The following PMS2 variants were observed in gnomAD, a reference collection of about 807,000 sequenced individuals.
The protein encoded by PMS2 is PMS1 homolog 2, mismatch repair system component.
A neutral mutation model predicts 90.0 loss-of-function variants in PMS2; 69 were observed. The observed-to-expected ratio is 0.77, with a 90% CI of 0.63 to 0.94. The LOEUF (loss-of-function observed/expected upper bound fraction) is 0.94. Among genes scored for constraint, PMS2 ranks in the 40% least tolerant of loss-of-function variants. The pLI is 0.00. For missense variants in PMS2, 966 were observed against 1,040.2 expected (o/e 0.93, Z 0.98); for synonymous variants, 332 against 375.1 (o/e 0.89, Z 1.33).
intron 1 of PMS2, among the ~76,000 whole-genome samples, chr7:6,006,672 C>A (rs1452640114): frequency 2.0e-5 from 3 of 151,838 alleles, no homozygotes; most frequent in Non-Finnish European, 4.4e-5. Context: ...AATTTCCCAA[C>A]ATAATTAGAA....
chr7:5,999,635 T>G (rs183113848), intron 5 of PMS2, among the ~76,000 whole-genome samples: 4,401 of 147,128 alleles, frequency 0.03, 94 homozygotes, highest in Non-Finnish European at 0.047. Flanking sequence ...TACAAAAAAT[T>G]TAAAAAAAAA....
upstream of PMS2, chr7:6,009,057 T>C (rs772989438): frequency 1.9e-6 from 3 of 1,610,662 alleles, no homozygotes; most frequent in Non-Finnish European, 2.5e-6. Flanking sequence ...ACTGGGAAAG[T>C]TCCCTCCAGG....
At position 5,978,571 on chromosome 7, in the gene PMS2, G is replaced by A. The variant is rs184115126; in HGVS notation, c.2275+25C>T. The A allele has an allele frequency of 1.8e-3, 2,843 of 1,576,074 alleles. 60 individuals are homozygous for A. The African/African-American group carries it at 0.035, about 19-fold the overall frequency. ...CAGACGTGAGCCACCACACCCAGCC[G>A]CTATAGTTCTAATTAATAACTTACC... On this transcript the variant is annotated intron_variant, in intron 13 of 14. Coordinates refer to ENST00000265849, the MANE Select transcript of PMS2 (RefSeq NM_000535.7).
intron 11 of PMS2, 88 bp downstream of exon 11, chr7:5,986,671 A>G (rs2128719132): frequency 9.4e-7 from 1 of 1,069,442 alleles, no homozygotes; most frequent in Admixed American, 2.8e-5. Context: ...CAGCCTGCGC[A>G]ACAGAGCAAG....
intron 11 of PMS2, 84 bp downstream of exon 11, chr7:5,986,675 G>A (rs1020388428): frequency 6.2e-6 from 7 of 1,123,806 alleles, no homozygotes; most frequent in Non-Finnish European, 8.7e-6. Flanking sequence ...CTGCGCAACA[G>A]AGCAAGACTC....
chr7:5,990,194 G>A (rs960113783), intron 9 of PMS2, among the ~76,000 whole-genome samples: 3 of 152,172 alleles, frequency 2.0e-5, no homozygotes, highest in Admixed American at 6.5e-5. Context: ...TTTTAGTAGA[G>A]ATGGGGTTTC....
chr7:5,989,423 A>C (rs537314689), intron 10 of PMS2, among the ~76,000 whole-genome samples: 1 of 151,674 alleles, frequency 6.6e-6, no homozygotes, highest in South Asian at 2.1e-4. Flanking sequence ...ACAAGAGCGA[A>C]ACTCCATCTC....
rs556125456 is a variant in PMS2, at chr7:5,988,897, C to G, written c.1144+903G>C. Among the ~76,000 whole-genome samples, 5 of 152,070 alleles carry G rather than the reference C, an allele frequency of 3.3e-5. No individual in the cohort carries two copies. The South Asian group carries it at 1.0e-3, about 32-fold the overall frequency. On this transcript the variant is annotated intron_variant, in intron 10 of 14. Coordinates refer to ENST00000265849, the MANE Select transcript of PMS2 (RefSeq NM_000535.7). The stretch of plus-strand genomic sequence containing the variant: ...TTGAGACGGAGTCTCGCTTTGTCAC[C>G]CAGGCTGGAGTGCAGTGGCACAATC...
intron 8 of PMS2, among the ~76,000 whole-genome samples, chr7:5,993,419 C>T (rs1448730777): frequency 4.0e-3 from 52 of 13,140 alleles, no homozygotes; most frequent in African/African-American, 0.029. Context: ...CAAAATATTA[C>T]TGAGGTACAA....
chr7:6,009,049 T>C lies in PMS2; in HGVS notation c.-30A>G, dbSNP rs761498916. 6.2e-7 allele frequency: 1 copy of C among 1,612,032 alleles called. No individual in the cohort carries two copies. Among genetic ancestry groups the C allele is most frequent in the Non-Finnish European group, 8.5e-7 (1 of 1,179,542 alleles). ...GCAACACCCGATCCGCCTCGGGGAC[T>C]GGGAAAGTTCCCTCCAGGGCTCCCA... is the stretch of plus-strand genomic sequence containing the variant. On this transcript the variant is annotated 5_prime_UTR_variant, in exon 1 of 15. Transcript: ENST00000265849.
At chr7:5,993,242 G>A (rs1783960101) in intron 8 of PMS2, among the ~76,000 whole-genome samples, 1 of 151,936 alleles carries the variant, frequency 6.6e-6, no homozygotes, top group South Asian at 2.1e-4. Flanking sequence ...ATGGCAGCAT[G>A]TGCCTATAAT....
At chr7:5,979,211 A>AC (rs1452096877) in intron 12 of PMS2, among the ~76,000 whole-genome samples, 2 of 143,006 alleles carry the variant, frequency 1.4e-5, no homozygotes, top group Non-Finnish European at 1.5e-5. Flanking sequence ...CAAAAAAAAA[A>AC]AAAAAAAAAA....
Position 6,002,611 on chromosome 7 carries a change from C to A in PMS2, c.379G>T (p.Ala127Ser), listed in dbSNP as rs114090343. 6.2e-7 allele frequency: 1 copy of A among 1,611,764 alleles called. No homozygotes were observed. Among genetic ancestry groups the A allele is most frequent in the African/African-American group, 1.3e-5 (1 of 74,954 alleles). ...LSDVTISTCH[A>S]SAKVGTRLMF... ...AGTCGAGTTCCAACCTTCGCCGATGCGTGGCAGGTAGAAATGGTGACATCG... is the reference window on the plus strand; with the variant it reads ...AGTCGAGTTCCAACCTTCGCCGATGAGTGGCAGGTAGAAATGGTGACATCG... Residue 127 changes from alanine (A) to serine (S), a missense_variant, in exon 5 of 15, where the codon GCA (alanine) becomes TCA (serine). By Grantham distance (99) the Ala-to-Ser change is moderately conservative. This residue lies in a region of PMS2 where 871 missense variants were observed against 802.4 expected (regional missense o/e 1.09). Transcript: ENST00000265849.
chr7:5,982,652 A>AT, intron 12 of PMS2, among the ~76,000 whole-genome samples, 172 bp downstream of exon 12: 1 of 151,996 alleles, frequency 6.6e-6, no homozygotes, highest in South Asian at 2.1e-4. Flanking sequence ...GATATTTTTT[A>AT]TTTTTTACAC....
In PMS2 at chr7:5,987,099, C is replaced by T. The variant is rs786202656; in HGVS notation, c.1666G>A (p.Glu556Lys). ...FSDVDCHSNQ[E>K]DTGCKFRVLP... ...ACTCGAAATTTACATCCGGTATCTT[C>T]CTGGTTTGAATGGCAGTCCACATCT... Residue 556 changes from glutamate (E) to lysine (K), a missense_variant, in exon 11 of 15, where the codon GAA becomes AAA. This residue lies in a region of PMS2 where 871 missense variants were observed against 802.4 expected (regional missense o/e 1.09). Transcript: ENST00000265849. 6.2e-7 allele frequency: 1 copy of T among 1,614,114 alleles called. No individual in the cohort carries two copies. Among genetic ancestry groups the T allele is most frequent in the South Asian group, 1.1e-5 (1 of 91,078 alleles).
rs964052312 is a variant in PMS2 at position 6,008,955 on chromosome 7, G to A, written c.23+42C>T. The A allele has an allele frequency of 6.2e-7, 1 of 1,611,390 alleles. No individual in the cohort carries two copies. The highest frequency in any genetic ancestry group is 1.3e-5 in the African/African-American group (1 of 74,864). On this transcript the variant is annotated intron_variant, in intron 1 of 14. Transcript: ENST00000265849. ...TGGAATGCCGTGGGTCTCAAAGAGG[G>A]CGCGCGAGAGGGGACACCGGAAGAC...
intron 5 of PMS2, among the ~76,000 whole-genome samples, chr7:6,001,659 G>A (rs377382137): frequency 2.6e-5 from 4 of 152,078 alleles, no homozygotes; most frequent in African/African-American, 7.2e-5. Flanking sequence ...GTGAGCCACT[G>A]TGCCTGGCCG....
At chr7:5,988,613 G>A (rs1435833262) in intron 10 of PMS2, among the ~76,000 whole-genome samples, 1 of 152,064 alleles carries the variant, frequency 6.6e-6, no homozygotes, top group Non-Finnish European at 1.5e-5. Flanking sequence ...ACGTGGATGA[G>A]GATGTTCATG....
chr7:5,995,857 C>A (rs1045938496), intron 7 of PMS2, among the ~76,000 whole-genome samples: 1 of 152,152 alleles, frequency 6.6e-6, no homozygotes, highest in African/African-American at 2.4e-5. Flanking sequence ...ACCAATGCAC[C>A]ACAGGTGATG....
Sources: allele counts gnomAD v4.1 joint callset (sites outside exome capture counted in the v4.1 genomes callset), GRCh38; gene constraint gnomAD v4.1.1; regional missense constraint gnomAD v4.1.1; transcripts MANE v1.5; gene names NCBI Gene and HGNC (gene_info 2026-07-23, HGNC 2026-07-21).